The following PARP4 variants were observed in gnomAD, a reference collection of about 807,000 sequenced individuals.
PARP4 encodes protein mono-ADP-ribosyltransferase PARP4.
PARP4 carries 120 observed loss-of-function variants against 187.7 expected under a neutral mutation model. The observed-to-expected ratio is 0.64, with a 90% confidence interval of 0.55 to 0.74. The LOEUF is 0.74. PARP4 is among the 30% of genes least tolerant of loss of function. PARP4 has a pLI of 0.00. For missense variants in PARP4, 1,836 were observed against 2,070.5 expected, an observed-to-expected ratio of 0.89 and a Z score of 2.20; for synonymous variants, 654 against 740.9, an observed-to-expected ratio of 0.88 and a Z score of 1.90.
chr13:24,446,126 A>C lies in PARP4; in HGVS notation c.3366+555T>G, dbSNP rs542331923. Among the ~76,000 whole-genome samples the C allele has an allele frequency of 3.9e-5, 6 of 152,344 alleles. No individual in the cohort carries two copies. In the East Asian group the frequency reaches 9.6e-4, roughly 24 times the overall value. On this transcript the variant is annotated intron_variant, in intron 27 of 33. Coordinates refer to ENST00000381989, the MANE Select transcript of PARP4 (RefSeq NM_006437.4). ...AGTATTATTATAACTAGTATTTCTA[A>C]ATAGCATCAGTAGGCCAGTGGCATG...
intron 10 of PARP4, 137 bp from the exon 11 acceptor site, chr13:24,486,442 T>C (rs771586557): frequency 1.6e-6 from 1 of 623,200 alleles, no homozygotes; most frequent in Non-Finnish European, 2.8e-6. Context: ...GCACAGCATA[T>C]CTTGGAAGTA....
chr13:24,475,739 A>G, intron 14 of PARP4, 143 bp from the exon 15 acceptor site: 1 of 854,134 alleles, frequency 1.2e-6, no homozygotes, highest in East Asian at 2.6e-5. Flanking sequence ...TTCAATAGCC[A>G]ATTCTGAAAA....
intron 29 of PARP4, 33 bp from the exon 30 acceptor site, chr13:24,442,001 A>T (rs1181108660): frequency 6.5e-7 from 1 of 1,531,064 alleles, no homozygotes. Context: ...TAAATCAAAC[A>T]GATGTTATCC....
rs1451443767 is a variant in PARP4, at chr13:24,434,697, C to T, written c.4444G>A (p.Ala1482Thr). 6.2e-7 allele frequency: 1 copy of T among 1,614,154 alleles called. No homozygotes were observed. Among genetic ancestry groups the T allele is most frequent in the Admixed American group, 1.7e-5 (1 of 60,018 alleles). ...TGACTGCAAAGAGCCTCAGGTAAAGCAGAGGCCATTGGCAGCCTAAGGTTG... is the reference window on the plus strand; with the variant it reads ...TGACTGCAAAGAGCCTCAGGTAAAGTAGAGGCCATTGGCAGCCTAAGGTTG... Reference protein sequence around the residue: ...TANLRLPMASALPEALCSQSR... With the variant: ...TANLRLPMASTLPEALCSQSR... Residue 1482 changes from alanine to threonine, a missense_variant, in exon 31 of 34, where the codon GCT becomes ACT. Transcript: ENST00000381989.
At chr13:24,432,499 C>A (rs1027536824) in intron 31 of PARP4, among the ~76,000 whole-genome samples, 1 of 152,162 alleles carries the variant, frequency 6.6e-6, no homozygotes, top group Non-Finnish European at 1.5e-5. Context: ...TGAACTTAGC[C>A]ACCACTCCCA....
intron 33 of PARP4, among the ~76,000 whole-genome samples, chr13:24,425,504 C>CATGTGTATGTATATGTGTAT (rs953386058): frequency 6.6e-6 from 1 of 151,386 alleles, no homozygotes. Context: ...AAGCCAATTA[C>CATGTGTATGTATATGTGTAT]ATGTGTATGT....
intron 14 of PARP4, among the ~76,000 whole-genome samples, chr13:24,476,422 A>G (rs559439550): frequency 1.3e-5 from 2 of 152,150 alleles, no homozygotes; most frequent in Admixed American, 1.3e-4. Flanking sequence ...CCTGGCTTAT[A>G]GTGTGGAAGG....
intron 14 of PARP4, among the ~76,000 whole-genome samples, chr13:24,477,031 C>T (rs1442148424): frequency 6.6e-6 from 1 of 152,208 alleles, no homozygotes; most frequent in Admixed American, 6.5e-5. Context: ...TGTCTGCTCT[C>T]CCCACCCCAT....
At position 24,436,245 on chromosome 13, in the gene PARP4, A is replaced by G. The variant is rs368720431; in HGVS notation, c.3667-771T>C. On this transcript the variant is annotated intron_variant, in intron 30 of 33. Coordinates refer to ENST00000381989, the MANE Select transcript of PARP4 (RefSeq NM_006437.4). ...TATTGCAGTTTTTATACTGCTTTACAGCAATATTAAGAAAATGAGATCAAA... is the reference window on the plus strand; with the variant it reads ...TATTGCAGTTTTTATACTGCTTTACGGCAATATTAAGAAAATGAGATCAAA... Among the ~76,000 whole-genome samples, 5 of 152,254 alleles carry G rather than the reference A, an allele frequency of 3.3e-5. No individual in the cohort carries two copies. The East Asian group carries it at 9.6e-4, about 29-fold the overall frequency.
chr13:24,472,886 CCT>C (rs1478951156), intron 15 of PARP4, among the ~76,000 whole-genome samples: 10 of 144,238 alleles, frequency 6.9e-5, no homozygotes, highest in African/African-American at 2.3e-4. Context: ...CTTTCAACAC[CCT>C]GAGTTTTTTT....
chr13:24,497,238 G>A (rs1869007729), intron 6 of PARP4, among the ~76,000 whole-genome samples: 1 of 152,136 alleles, frequency 6.6e-6, no homozygotes, highest in Non-Finnish European at 1.5e-5. Context: ...GTTGTTCCCA[G>A]GGCTCTGTGA....
intron 16 of PARP4, among the ~76,000 whole-genome samples, 163 bp from the exon 17 acceptor site, chr13:24,469,273 A>G (rs1320080345): frequency 6.6e-6 from 1 of 152,238 alleles, no homozygotes; most frequent in Non-Finnish European, 1.5e-5. Context: ...TACTTATCTG[A>G]TAAGAACTTG....
At chr13:24,477,589 T>C (rs957150360) in intron 14 of PARP4, 112 bp downstream of exon 14, 26 of 666,188 alleles carry the variant, frequency 3.9e-5, no homozygotes, top group Admixed American at 6.1e-5. Context: ...ATGAAATACT[T>C]ATGGATGAGG....
intron 12 of PARP4, among the ~76,000 whole-genome samples, chr13:24,483,446 A>G (rs895923295): frequency 2.5e-5 from 3 of 120,384 alleles, no homozygotes; most frequent in East Asian, 5.4e-4. Context: ...AGATTGTGCC[A>G]CTGCAGTCCG....
At chr13:24,511,267 C>G (rs1870006618) in intron 1 of PARP4, among the ~76,000 whole-genome samples, 1 of 152,118 alleles carries the variant, frequency 6.6e-6, no homozygotes, top group East Asian at 1.9e-4. Context: ...GGGTTAACAG[C>G]GCCTAACCGA....
intron 20 of PARP4, among the ~76,000 whole-genome samples, chr13:24,457,089 G>A (rs2137478361): frequency 6.6e-6 from 1 of 152,068 alleles, no homozygotes; most frequent in African/African-American, 2.4e-5. Flanking sequence ...ACTTATCTGG[G>A]TATAGCAGAC....
chr13:24,423,885 T>C (rs1327834292), intron 33 of PARP4, among the ~76,000 whole-genome samples: 1 of 152,142 alleles, frequency 6.6e-6, no homozygotes, highest in African/African-American at 2.4e-5. Context: ...AAGGCTGGTC[T>C]TGAACTCCTG....
At chr13:24,441,150 G>A (rs945849973) in intron 30 of PARP4, among the ~76,000 whole-genome samples, 2 of 152,116 alleles carry the variant, frequency 1.3e-5, no homozygotes, top group African/African-American at 2.4e-5. Context: ...GGAATTACAA[G>A]TATGAGCCAC....
intron 7 of PARP4, 31 bp from the exon 8 acceptor site, chr13:24,493,764 A>C: frequency 6.2e-7 from 1 of 1,610,278 alleles, no homozygotes; most frequent in Non-Finnish European, 8.5e-7. Flanking sequence ...TGCCACCAAA[A>C]AGTCATCATG....
Sources: gnomAD v4.1 joint callset for allele counts (sites outside exome capture counted in the v4.1 genomes callset) on GRCh38, gnomAD v4.1.1 for gene constraint, MANE v1.5 for transcripts, NCBI Gene and HGNC (gene_info 2026-07-23, HGNC 2026-07-21) for gene names.